Variants in DDC observed in about 807,000 individuals in gnomAD.
DDC encodes dopa decarboxylase.
Under a neutral mutation model 60.0 loss-of-function variants are expected in DDC, and 43 were observed. The ratio of observed to expected loss-of-function variants is 0.72; its 90% CI spans 0.56 to 0.92. The LOEUF is 0.92. Among genes scored for constraint, DDC ranks in the 40% least tolerant of loss-of-function variants. The pLI is 0.00. For synonymous variants in DDC, 232 were observed against 234.6 expected, an observed-to-expected ratio of 0.99 and a Z score of 0.10; for missense variants, 573 against 620.2, an observed-to-expected ratio of 0.92 and a Z score of 0.81.
chr7:50,476,992 T>TCATG (rs1360980427), intron 10 of DDC, among the ~76,000 whole-genome samples: 1 of 152,210 alleles, frequency 6.6e-6, no homozygotes, highest in Non-Finnish European at 1.5e-5. Flanking sequence ...ATTCATTCAT[T>TCATG]CATGCATGGG....
intron 9 of DDC, among the ~76,000 whole-genome samples, chr7:50,493,411 G>T (rs1218737562): frequency 6.6e-6 from 1 of 152,170 alleles, no homozygotes; most frequent in East Asian, 1.9e-4. Context: ...AAGCATGTAG[G>T]GAGAGCCACT....
intron 1 of DDC, among the ~76,000 whole-genome samples, chr7:50,551,135 C>T (rs1037471557): frequency 6.6e-6 from 1 of 151,954 alleles, no homozygotes; most frequent in Non-Finnish European, 1.5e-5. Flanking sequence ...CCAAATTTTC[C>T]CCTAAAACAT....
chr7:50,512,869 G>A (rs189325464), intron 6 of DDC, among the ~76,000 whole-genome samples: 4 of 152,310 alleles, frequency 2.6e-5, no homozygotes, highest in Admixed American at 1.3e-4. Context: ...TAACACCTAT[G>A]TAGGGGAAAT....
chr7:50,525,001 A>G (rs1280338740), intron 6 of DDC, among the ~76,000 whole-genome samples: 2 of 152,254 alleles, frequency 1.3e-5, no homozygotes, highest in Non-Finnish European at 2.9e-5. Flanking sequence ...TGGTGCAGCA[A>G]CGAAAAGGAA....
At chr7:50,555,423 C>A (rs560368393) in intron 1 of DDC, among the ~76,000 whole-genome samples, 1 of 152,166 alleles carries the variant, frequency 6.6e-6, no homozygotes, top group African/African-American at 2.4e-5. Flanking sequence ...AAGGAAAGGA[C>A]TGTCCCAGGT....
intron 6 of DDC, among the ~76,000 whole-genome samples, chr7:50,514,046 G>A (rs1021219295): frequency 3.3e-5 from 5 of 152,070 alleles, no homozygotes; most frequent in East Asian, 1.9e-4. Context: ...AACCACCAAC[G>A]CTAAGAACCC....
rs187646239 is a variant in DDC, at chr7:50,494,809, G to A, written c.944+541C>T. Among the ~76,000 whole-genome samples, 389 of 152,034 alleles carry A rather than the reference G, an allele frequency of 2.6e-3. 1 individual carries two copies. The highest frequency in any genetic ancestry group is 4.2e-3 in the Admixed American group (64 of 15,290). ...CCTGAGTAGCTGGGATTACAGGCATGCACTACCACACCCAGCTAATTTTTT... is the reference window on the plus strand; with the variant it reads ...CCTGAGTAGCTGGGATTACAGGCATACACTACCACACCCAGCTAATTTTTT... On this transcript the variant is annotated intron_variant, in intron 9 of 14. Transcript: ENST00000444124.
chr7:50,489,582 G>A (rs2042957141), intron 9 of DDC, among the ~76,000 whole-genome samples: 2 of 152,152 alleles, frequency 1.3e-5, no homozygotes, highest in South Asian at 4.1e-4. Flanking sequence ...TCAGACCCAG[G>A]AGAAGATGAC....
intron 14 of DDC, among the ~76,000 whole-genome samples, chr7:50,462,839 G>C (rs979657554): frequency 6.8e-6 from 1 of 146,390 alleles, no homozygotes; most frequent in Non-Finnish European, 1.5e-5. Flanking sequence ...GCGCGATCTC[G>C]GCTCACGGCA....
At chr7:50,563,110 C>T (rs73125288) in intron 1 of DDC, among the ~76,000 whole-genome samples, 53,883 of 149,106 alleles carry the variant, frequency 0.36, 10,164 homozygotes, top group East Asian at 0.58. Context: ...GAAGTTGCAG[C>T]GAGCTGAGAC....
At chr7:50,548,935 T>G (rs1585278450) in intron 1 of DDC, among the ~76,000 whole-genome samples, 1 of 152,218 alleles carries the variant, frequency 6.6e-6, no homozygotes, top group South Asian at 2.1e-4. Context: ...TGCTTACTTA[T>G]TATTCTGAAA....
intron 6 of DDC, among the ~76,000 whole-genome samples, chr7:50,507,869 C>A (rs2043443463): frequency 6.6e-6 from 1 of 152,180 alleles, no homozygotes; most frequent in Admixed American, 6.5e-5. Context: ...ATTGCCACCA[C>A]CTTATGAGTT....
At chr7:50,469,999 A>G in intron 12 of DDC, 74 bp downstream of exon 12, 2 of 1,037,940 alleles carry the variant, frequency 1.9e-6, no homozygotes, top group Non-Finnish European at 3.0e-6. Flanking sequence ...AAAAGAAAAA[A>G]AATTTGAATT....
intron 10 of DDC, among the ~76,000 whole-genome samples, chr7:50,479,218 C>T (rs2042713911): frequency 6.6e-6 from 1 of 152,202 alleles, no homozygotes; most frequent in African/African-American, 2.4e-5. Context: ...CATCCCCTCC[C>T]TGCTAGACGT....
In DDC at chr7:50,528,028, C is replaced by T. The variant is rs979884366; in HGVS notation, c.714+109G>A. 1.6e-5 allele frequency: 21 copies of T among 1,302,056 alleles called. No homozygotes were observed. In the African/African-American group the frequency reaches 2.8e-4, roughly 17 times the overall value. 80.7% of individuals were successfully genotyped at this position (1,302,056 alleles called of 1,614,324 possible). A position where few individuals can be genotyped will look rare whatever the true frequency, so the allele number is the denominator to read the frequency against. On this transcript the variant is annotated intron_variant, in intron 6 of 14. Coordinates refer to ENST00000444124, the MANE Select transcript of DDC (RefSeq NM_001082971.2). ...TCTCCTGCCTCAGCTTCCCGAGTAG[C>T]TGGGATTACAAGAATGCGCCACCAT...
chr7:50,468,131 C>CGCG (rs1164769865), intron 12 of DDC, among the ~76,000 whole-genome samples: 1 of 152,256 alleles, frequency 6.6e-6, no homozygotes, highest in Non-Finnish European at 1.5e-5. Flanking sequence ...CCTGCGGAAA[C>CGCG]GCGGCGCCTC....
chr7:50,465,359 TAAA>T (rs1214941961), intron 13 of DDC, among the ~76,000 whole-genome samples: 2 of 152,182 alleles, frequency 1.3e-5, no homozygotes, highest in African/African-American at 4.8e-5. Flanking sequence ...GTAGATATAC[TAAA>T]AATACTCAAA....
At chr7:50,530,722 A>G (rs1277394617) in intron 4 of DDC, among the ~76,000 whole-genome samples, 1 of 152,222 alleles carries the variant, frequency 6.6e-6, no homozygotes, top group Non-Finnish European at 1.5e-5. Flanking sequence ...CCTCTTAAGT[A>G]AGTCGTAGAA....
At chr7:50,492,642 T>C in intron 9 of DDC, 1 of 1,177,346 alleles carries the variant, frequency 8.5e-7, no homozygotes, top group Non-Finnish European at 1.1e-6. Flanking sequence ...CGCAGGCCTC[T>C]CTTGTGTCTT....
Sources: gnomAD v4.1 joint callset for allele counts (sites outside exome capture counted in the v4.1 genomes callset) on GRCh38, gnomAD v4.1.1 for gene constraint, MANE v1.5 for transcripts, NCBI Gene and HGNC (gene_info 2026-07-23, HGNC 2026-07-21) for gene names.